Variants in ABTB2 observed in about 807,000 individuals in gnomAD.
ABTB2 encodes the protein ankyrin repeat and BTB domain containing 2.
ABTB2 carries 56 observed loss-of-function variants against 104.1 expected under a neutral mutation model. That is an observed-to-expected ratio of 0.54 (90% CI 0.43 to 0.67). The LOEUF is 0.67. Ranked by LOEUF, ABTB2 falls within the 30% of genes least tolerant of loss-of-function variation. The pLI is 0.00. For synonymous variants in ABTB2, 606 were observed against 608.2 expected (o/e 1.00, Z 0.05); for missense variants, 1,279 against 1,407.7 (o/e 0.91, Z 1.46).
At chr11:34,351,702 T>C (rs145682895) in intron 1 of ABTB2, among the ~76,000 whole-genome samples, 3 of 152,108 alleles carry the variant, frequency 2.0e-5, no homozygotes, top group African/African-American at 4.8e-5. Context: ...GTAGACACCA[T>C]GAGAGGTACA....
At chr11:34,321,753 GCATATAC>G (rs1401316579) in intron 1 of ABTB2, among the ~76,000 whole-genome samples, 5 of 152,188 alleles carry the variant, frequency 3.3e-5, no homozygotes, top group Non-Finnish European at 7.3e-5. Context: ...CATGATGTTC[GCATATAC>G]CATTCAAGTC....
intron 1 of ABTB2, among the ~76,000 whole-genome samples, chr11:34,223,294 C>G (rs940021187): frequency 6.6e-6 from 1 of 152,154 alleles, no homozygotes; most frequent in Non-Finnish European, 1.5e-5. Context: ...GCAGCCCCAT[C>G]GGTCCTTCCA....
intron 1 of ABTB2, among the ~76,000 whole-genome samples, chr11:34,346,685 TG>T (rs1173996283): frequency 6.6e-6 from 1 of 152,040 alleles, no homozygotes; most frequent in Non-Finnish European, 1.5e-5. Context: ...GAAAAGCCCT[TG>T]GGGAATCTAG....
intron 1 of ABTB2, among the ~76,000 whole-genome samples, chr11:34,338,874 C>G (rs1208768036): frequency 2.6e-5 from 4 of 152,102 alleles, no homozygotes; most frequent in African/African-American, 9.7e-5. Context: ...GAACCTAAGC[C>G]TAGGAATATC....
chr11:34,348,925 T>A (rs565519384), intron 1 of ABTB2, among the ~76,000 whole-genome samples: 2 of 152,194 alleles, frequency 1.3e-5, no homozygotes, highest in Non-Finnish European at 2.9e-5. Flanking sequence ...CAGTCAAGAT[T>A]CTTGTCCCTT....
intron 1 of ABTB2, among the ~76,000 whole-genome samples, chr11:34,273,868 T>C (rs1206778639): frequency 6.6e-6 from 1 of 152,060 alleles, no homozygotes; most frequent in African/African-American, 2.4e-5. Flanking sequence ...AATAATGATA[T>C]TTGGCCGGGC....
chr11:34,182,261 C>A (rs937194627), intron 3 of ABTB2, among the ~76,000 whole-genome samples: 22 of 152,218 alleles, frequency 1.4e-4, no homozygotes, highest in African/African-American at 5.1e-4. Flanking sequence ...TCACTCTGCA[C>A]CAAAGAAACA....
chr11:34,290,206 T>C (rs775960339), intron 1 of ABTB2, among the ~76,000 whole-genome samples: 12 of 152,242 alleles, frequency 7.9e-5, no homozygotes, highest in Non-Finnish European at 1.6e-4. Context: ...AGCAAGTGTC[T>C]TTCTAGATTA....
At chr11:34,334,615 T>C (rs1855170748) in intron 1 of ABTB2, among the ~76,000 whole-genome samples, 1 of 152,120 alleles carries the variant, frequency 6.6e-6, no homozygotes, top group Non-Finnish European at 1.5e-5. Flanking sequence ...TCTACATGCA[T>C]CTAAACCATA....
chr11:34,177,547 A>C (rs1406139815), intron 3 of ABTB2, among the ~76,000 whole-genome samples: 1 of 152,220 alleles, frequency 6.6e-6, no homozygotes, highest in Non-Finnish European at 1.5e-5. Flanking sequence ...CCAGGTCATG[A>C]AAACTGAGGG....
intron 3 of ABTB2, among the ~76,000 whole-genome samples, chr11:34,183,912 A>G (rs536337344): frequency 3.3e-5 from 5 of 152,284 alleles, no homozygotes; most frequent in Non-Finnish European, 7.4e-5. Flanking sequence ...AACAAAAACA[A>G]AAACAAACAA....
At chr11:34,346,846 C>G (rs893397417) in intron 1 of ABTB2, among the ~76,000 whole-genome samples, 1 of 152,192 alleles carries the variant, frequency 6.6e-6, no homozygotes, top group African/African-American at 2.4e-5. Context: ...TGCTTGTGCA[C>G]GTACACCCAC....
intron 1 of ABTB2, among the ~76,000 whole-genome samples, chr11:34,220,024 T>C (rs1050509048): frequency 7.2e-5 from 11 of 152,246 alleles, no homozygotes; most frequent in African/African-American, 1.4e-4. Flanking sequence ...AAACACTCCC[T>C]GGTTATCTCA....
At chr11:34,165,135 T>A (rs556887829) in intron 8 of ABTB2, 125 bp downstream of exon 8, 1 of 933,610 alleles carries the variant, frequency 1.1e-6, no homozygotes, top group South Asian at 1.8e-5. Flanking sequence ...GAGAAGGGGT[T>A]TTAAGGCCCC....
chr11:34,183,649 C>T (rs1336934429), intron 3 of ABTB2, among the ~76,000 whole-genome samples: 2 of 152,218 alleles, frequency 1.3e-5, no homozygotes, highest in African/African-American at 4.8e-5. Context: ...CTGCACAGCA[C>T]TCGTCCAATT....
At position 34,154,955 on chromosome 11, in the gene ABTB2, C is replaced by T. The variant is rs1409502254; in HGVS notation, c.2698-186G>A. Among the ~76,000 whole-genome samples, 1 of 152,198 alleles carries T rather than the reference C, an allele frequency of 6.6e-6. No individual in the cohort carries two copies. Among genetic ancestry groups the T allele is most frequent in the Admixed American group, 6.5e-5 (1 of 15,286 alleles). On this transcript the variant is annotated intron_variant, in intron 14 of 16. Transcript: ENST00000435224. This position sits in a 1 kb window ranked among gnomAD's most constrained non-coding sequence, Gnocchi z 4.9. Reference sequence around the variant, plus strand: ...TGTGTTTTCCCGGGGAAGCCAACTCCAAGACCCTCTCTCCTGAGTCCCTGC... The same window carrying T: ...TGTGTTTTCCCGGGGAAGCCAACTCTAAGACCCTCTCTCCTGAGTCCCTGC...
chr11:34,161,199 C>T lies in ABTB2; in HGVS notation c.2219-118G>A, dbSNP rs528706679. On this transcript the variant is annotated intron_variant, in intron 10 of 16. Coordinates refer to ENST00000435224, the MANE Select transcript of ABTB2 (RefSeq NM_145804.3). The stretch of plus-strand genomic sequence containing the variant: ...TGCCCCCGCTGTCTGCAGAGCACCC[C>T]GCCCGCCCCCTCCCGCCTGCCCCCT... 6.4e-5 allele frequency: 68 copies of T among 1,061,980 alleles called. 1 individual carries two copies. The East Asian group carries it at 1.3e-3, about 21-fold the overall frequency. 65.8% of individuals were successfully genotyped at this position (1,061,980 alleles called of 1,614,324 possible).
chr11:34,261,516 T>C (rs1854189264), intron 1 of ABTB2, among the ~76,000 whole-genome samples: 2 of 152,144 alleles, frequency 1.3e-5, no homozygotes, highest in Non-Finnish European at 2.9e-5. Context: ...TTTGCCTGAT[T>C]TTTACTTCTG....
At chr11:34,191,533 G>C (rs1230315853) in intron 3 of ABTB2, among the ~76,000 whole-genome samples, 2 of 152,164 alleles carry the variant, frequency 1.3e-5, no homozygotes, top group African/African-American at 4.8e-5. Flanking sequence ...CAGCACCCTG[G>C]TCTCGTCTCT....
Sources: allele counts gnomAD v4.1 joint callset (sites outside exome capture counted in the v4.1 genomes callset), GRCh38; gene constraint gnomAD v4.1.1; non-coding constraint Gnocchi (gnomAD v3.1); transcripts MANE v1.5; gene names NCBI Gene and HGNC (gene_info 2026-07-23, HGNC 2026-07-21).